NKAIN2: variants seen among roughly 807,000 people sequenced by gnomAD.
NKAIN2 encodes the protein sodium/potassium-transporting ATPase subunit beta-1-interacting protein 2.
Under a neutral mutation model 32.6 loss-of-function variants are expected in NKAIN2, and 14 were observed. That is an observed-to-expected ratio of 0.43 (90% CI 0.28 to 0.67). The LOEUF is 0.67. Among genes scored for constraint, NKAIN2 ranks in the 30% least tolerant of loss-of-function variants. The pLI is 0.17. For missense variants in NKAIN2, 198 were observed against 258.3 expected (o/e 0.77, Z 1.60); for synonymous variants, 80 against 87.2 (o/e 0.92, Z 0.46).
chr6:123,833,735 G>T lies in NKAIN2; in HGVS notation c.54+29481G>T, dbSNP rs200702415. Among the ~76,000 whole-genome samples the T allele has an allele frequency of 1.5e-3, 180 of 122,700 alleles. 1 individual carries two copies. The East Asian group carries it at 0.034, about 23-fold the overall frequency. The allele number at this position is 122,700 out of a possible 152,430, so 80.5% of individuals were successfully genotyped here. A position where few individuals can be genotyped will look rare whatever the true frequency, so the allele number is the denominator to read the frequency against. ...TGTGTGTGTGTGTGTGTTTCCTGTG[G>T]ATTTTTTTTTTTTTTTGAGTCTCGC... On this transcript the variant is annotated intron_variant, in intron 1 of 6. Transcript: ENST00000368417.
At position 124,466,750 on chromosome 6, in the gene NKAIN2, G is replaced by GA. The variant is rs5879737; in HGVS notation, c.273+111416dup. Reference sequence around the variant, plus strand: ...TTTATTTAAGCTCAGAGTAAAAAAAGAAAAAAAAAAAAAGAAATCAGGAAA... The same window carrying GA: ...TTTATTTAAGCTCAGAGTAAAAAAAGAAAAAAAAAAAAAAGAAATCAGGAAA... On this transcript the variant is annotated intron_variant, in intron 3 of 6. Transcript: ENST00000368417. Among the ~76,000 whole-genome samples the GA allele has an allele frequency of 5.3e-3, 760 of 144,000 alleles. 28 individuals carry two copies. The East Asian group carries it at 0.082, about 16-fold the overall frequency. 94.5% of individuals were successfully genotyped at this position (144,000 alleles called of 152,430 possible).
At chr6:123,822,216 A>G (rs1773954051) in intron 1 of NKAIN2, among the ~76,000 whole-genome samples, 2 of 151,892 alleles carry the variant, frequency 1.3e-5, no homozygotes, top group Admixed American at 1.3e-4. Context: ...TAAAAAAAAA[A>G]CTCCTAGTGT....
At chr6:124,511,388 A>T (rs1173442710) in intron 3 of NKAIN2, among the ~76,000 whole-genome samples, 3 of 152,218 alleles carry the variant, frequency 2.0e-5, no homozygotes, top group Admixed American at 6.5e-5. Context: ...TTTTTCTTCA[A>T]ATAGGAGAAG....
intron 1 of NKAIN2, among the ~76,000 whole-genome samples, chr6:124,001,333 A>G (rs977449488): frequency 6.6e-6 from 1 of 152,090 alleles, no homozygotes; most frequent in Non-Finnish European, 1.5e-5. Flanking sequence ...GTAAAAAACA[A>G]CATGAATGAT....
chr6:124,513,586 T>C (rs62435063), intron 3 of NKAIN2, among the ~76,000 whole-genome samples: 39,650 of 151,984 alleles, frequency 0.26, 6,078 homozygotes, highest in Middle Eastern at 0.39. Flanking sequence ...GGTTATAGCA[T>C]CAAGAACCAT....
chr6:123,907,234 T>C (rs1241063801), intron 1 of NKAIN2, among the ~76,000 whole-genome samples: 1 of 152,174 alleles, frequency 6.6e-6, no homozygotes, highest in East Asian at 1.9e-4. Context: ...ATTTTGTTTT[T>C]TTTAGAGTGT....
chr6:124,127,335 G>A (rs1786224514), intron 1 of NKAIN2, among the ~76,000 whole-genome samples: 1 of 152,128 alleles, frequency 6.6e-6, no homozygotes, highest in Admixed American at 6.5e-5. Context: ...TAGTATAAAG[G>A]CTTCACAAGA....
rs548011192 is a variant in NKAIN2 at position 124,330,760 on chromosome 6, C to T, written c.193-24507C>T. Among the ~76,000 whole-genome samples the T allele has an allele frequency of 3.3e-5, 5 of 152,232 alleles. No individual in the cohort carries two copies. The East Asian group carries it at 9.7e-4, about 29-fold the overall frequency. ...GGTCTGTGGCTTGTTAGAAATTGGG[C>T]CACACAGCAACAGGTGAACGGCAGG... is the stretch of plus-strand genomic sequence containing the variant. On this transcript the variant is annotated intron_variant, in intron 2 of 6. Transcript: ENST00000368417.
chr6:124,666,590 CA>C (rs1772809022), intron 4 of NKAIN2, among the ~76,000 whole-genome samples: 2 of 152,072 alleles, frequency 1.3e-5, no homozygotes, highest in African/African-American at 4.8e-5. Flanking sequence ...ATTGTAATGT[CA>C]ATCAAGTTTT....
intron 4 of NKAIN2, among the ~76,000 whole-genome samples, chr6:124,776,025 T>C (rs1282822905): frequency 6.6e-6 from 1 of 152,256 alleles, no homozygotes; most frequent in East Asian, 1.9e-4. Flanking sequence ...AGTACACGGC[T>C]CCTTTTCCCT....
chr6:124,257,068 A>AT (rs1314384062), intron 1 of NKAIN2, among the ~76,000 whole-genome samples: 38 of 148,784 alleles, frequency 2.6e-4, no homozygotes, highest in African/African-American at 6.7e-4. Flanking sequence ...TTTTGTTTTT[A>AT]TTTTTTTTTC....
At chr6:124,568,577 G>A (rs936790532) in intron 3 of NKAIN2, among the ~76,000 whole-genome samples, 2 of 151,894 alleles carry the variant, frequency 1.3e-5, no homozygotes, top group African/African-American at 2.4e-5. Flanking sequence ...TCCAATTTCT[G>A]GGTTCAGGTT....
At chr6:124,623,380 C>CT (rs1296295798) in intron 3 of NKAIN2, among the ~76,000 whole-genome samples, 1 of 152,138 alleles carries the variant, frequency 6.6e-6, no homozygotes, top group Non-Finnish European at 1.5e-5. Context: ...ACTCTCTATG[C>CT]ATGTGTGGCT....
intron 4 of NKAIN2, among the ~76,000 whole-genome samples, chr6:124,767,453 CCA>C (rs1174140645): frequency 6.6e-6 from 1 of 152,052 alleles, no homozygotes; most frequent in African/African-American, 2.4e-5. Flanking sequence ...TAGTCCTAGG[CCA>C]TTACCTTTAC....
intron 1 of NKAIN2, among the ~76,000 whole-genome samples, chr6:124,016,770 A>C (rs1448163190): frequency 6.6e-6 from 1 of 151,882 alleles, no homozygotes; most frequent in Non-Finnish European, 1.5e-5. Context: ...GGTTGTTTTC[A>C]ATTTTTTTTT....
chr6:123,811,927 A>G (rs1773492595), intron 1 of NKAIN2, among the ~76,000 whole-genome samples: 1 of 152,088 alleles, frequency 6.6e-6, no homozygotes, highest in Non-Finnish European at 1.5e-5. Flanking sequence ...ATTCATTAAA[A>G]TGAAACTTGG....
At position 124,002,147 on chromosome 6, in the gene NKAIN2, A is replaced by T. The variant is rs7743171; in HGVS notation, c.54+197893A>T. 2.2e-3 allele frequency among the ~76,000 whole-genome samples: 336 copies of T among 152,170 alleles called. 2 individuals are homozygous for T. Among genetic ancestry groups the T allele is most frequent in the Non-Finnish European group, 3.1e-3 (214 of 67,990 alleles). ...AAAATTATAACCAAGTTCTATTGATATTTCTCCTGCATTCCACCTCTGATA... is the reference window on the plus strand; with the variant it reads ...AAAATTATAACCAAGTTCTATTGATTTTTCTCCTGCATTCCACCTCTGATA... On this transcript the variant is annotated intron_variant, in intron 1 of 6. Transcript: ENST00000368417.
intron 3 of NKAIN2, among the ~76,000 whole-genome samples, chr6:124,486,537 AG>A (rs369240835): frequency 3.9e-5 from 6 of 152,194 alleles, no homozygotes; most frequent in African/African-American, 1.4e-4. Flanking sequence ...ACTTTTTAAA[AG>A]CCAGGCAATA....
At chr6:123,831,649 G>GTTTTTTTT (rs200958969) in intron 1 of NKAIN2, among the ~76,000 whole-genome samples, 1 of 140,266 alleles carries the variant, frequency 7.1e-6, no homozygotes. Flanking sequence ...CTTTGTTACA[G>GTTTTTTTT]TTTTTTTTTT....
Sources: gnomAD v4.1 joint callset for allele counts (sites outside exome capture counted in the v4.1 genomes callset) on GRCh38, gnomAD v4.1.1 for gene constraint, MANE v1.5 for transcripts, NCBI Gene and HGNC (gene_info 2026-07-23, HGNC 2026-07-21) for gene names.